Variants in TNIK observed in about 807,000 individuals in gnomAD.
TNIK encodes the protein TRAF2 and NCK interacting kinase, also known as TRAF2 and NCK-interacting protein kinase.
TNIK carries 49 observed loss-of-function variants against 191.3 expected under a neutral mutation model. The ratio of observed to expected loss-of-function variants is 0.26; its 90% CI spans 0.20 to 0.32. TNIK has a LOEUF of 0.32. Among genes scored for constraint, TNIK ranks in the 10% least tolerant of loss-of-function variants. TNIK has a pLI of 1.00. For missense variants in TNIK, 1,155 were observed against 1,702.3 expected (o/e 0.68, Z 5.66); for synonymous variants, 594 against 600.9 (o/e 0.99, Z 0.17).
intron 2 of TNIK, among the ~76,000 whole-genome samples, chr3:171,286,044 G>A (rs1390517113): frequency 6.6e-6 from 1 of 152,146 alleles, no homozygotes; most frequent in Non-Finnish European, 1.5e-5. Context: ...TACACCCTAT[G>A]GCAAAATAAA....
chr3:171,337,463 G>A (rs893538762), intron 2 of TNIK, among the ~76,000 whole-genome samples: 20 of 152,208 alleles, frequency 1.3e-4, no homozygotes, highest in East Asian at 3.8e-4. Context: ...ACTGTGGGAC[G>A]CCTTTGCATG....
chr3:171,281,560 A>T (rs1750425838), intron 2 of TNIK, among the ~76,000 whole-genome samples: 2 of 151,970 alleles, frequency 1.3e-5, no homozygotes, highest in Non-Finnish European at 2.9e-5. Flanking sequence ...AAAGGAATAC[A>T]CTGTACATAC....
At chr3:171,330,664 A>G (rs1197310301) in intron 2 of TNIK, among the ~76,000 whole-genome samples, 3 of 152,110 alleles carry the variant, frequency 2.0e-5, no homozygotes, top group Non-Finnish European at 4.4e-5. Context: ...CAGATGGGGA[A>G]CCTAGCGGCC....
intron 2 of TNIK, among the ~76,000 whole-genome samples, chr3:171,234,752 C>T (rs1428618375): frequency 6.6e-6 from 1 of 152,186 alleles, no homozygotes; most frequent in Non-Finnish European, 1.5e-5. Context: ...TTAATGTATG[C>T]AGATTCCGTG....
intron 2 of TNIK, among the ~76,000 whole-genome samples, chr3:171,349,374 TA>T (rs1712770447): frequency 6.6e-6 from 1 of 152,172 alleles, no homozygotes. Context: ...AATCCTACAA[TA>T]ACTCTTGTAT....
rs771644125 is a variant in TNIK, at chr3:171,087,526, G to T, written c.2722-20C>A. The T allele has an allele frequency of 5.6e-6, 9 of 1,611,236 alleles. No homozygotes were observed. The African/African-American group carries it at 6.7e-5, about 12-fold the overall frequency. On this transcript the variant is annotated intron_variant, in intron 23 of 32. Coordinates refer to ENST00000436636, the MANE Select transcript of TNIK (RefSeq NM_015028.4). ...AGACGTCTGAGGGAGCACAGCACGT[G>T]GGAGGAGTTAGAGAGGGGGGAAAAA...
chr3:171,142,058 T>G (rs1435699475), intron 12 of TNIK, among the ~76,000 whole-genome samples: 1 of 152,238 alleles, frequency 6.6e-6, no homozygotes, highest in Non-Finnish European at 1.5e-5. Context: ...CCTGCAGCAA[T>G]CCTCCGGACC....
At chr3:171,313,614 ATTT>A (rs1224288925) in intron 2 of TNIK, among the ~76,000 whole-genome samples, 1 of 152,094 alleles carries the variant, frequency 6.6e-6, no homozygotes, top group Admixed American at 6.6e-5. Flanking sequence ...TTCACTTATG[ATTT>A]TTTTAAAAAT....
In TNIK at chr3:171,190,655, T is replaced by C. The variant is rs1457389823; in HGVS notation, c.508+42A>G. On this transcript the variant is annotated intron_variant, in intron 6 of 32. Coordinates refer to ENST00000436636, the MANE Select transcript of TNIK (RefSeq NM_015028.4). ...TTTTAGAGCTGTTAATATAATCTCA[T>C]CACTTCCTGCAATTCCAAGGCTCAC... 7 of 1,462,966 alleles carry C rather than the reference T, an allele frequency of 4.8e-6. No homozygotes were observed. The South Asian group carries it at 6.1e-5, about 13-fold the overall frequency. The allele number at this position is 1,462,966 out of a possible 1,614,324, so 90.6% of individuals were successfully genotyped here. A position where few individuals can be genotyped will look rare whatever the true frequency, so the allele number is the denominator to read the frequency against.
intron 7 of TNIK, among the ~76,000 whole-genome samples, chr3:171,179,135 G>A (rs1736330301): frequency 6.6e-6 from 1 of 152,120 alleles, no homozygotes; most frequent in Admixed American, 6.5e-5. Flanking sequence ...GTTCAACTGG[G>A]AATAGCAATG....
intron 24 of TNIK, among the ~76,000 whole-genome samples, chr3:171,085,903 A>G (rs1003765257): frequency 4.6e-5 from 7 of 152,182 alleles, no homozygotes; most frequent in African/African-American, 1.7e-4. Flanking sequence ...GGCTTACTTT[A>G]AAAAATGAAT....
chr3:171,208,312 C>A (rs1215706641), intron 4 of TNIK, among the ~76,000 whole-genome samples: 1 of 151,628 alleles, frequency 6.6e-6, no homozygotes, highest in Admixed American at 6.6e-5. Context: ...CAGAGCAAGA[C>A]CCTGTCTCTA....
intron 3 of TNIK, among the ~76,000 whole-genome samples, chr3:171,219,660 A>T (rs905562287): frequency 6.6e-6 from 1 of 152,202 alleles, no homozygotes; most frequent in Non-Finnish European, 1.5e-5. Context: ...ATCACTGGTC[A>T]TTAGAGAAAT....
At chr3:171,170,420 C>A (rs1300038113) in intron 9 of TNIK, among the ~76,000 whole-genome samples, 1 of 152,140 alleles carries the variant, frequency 6.6e-6, no homozygotes, top group Non-Finnish European at 1.5e-5. Context: ...GCAATTTGGC[C>A]TAAAATTTGC....
Position 171,175,277 on chromosome 3 carries a change from C to A in TNIK, c.748G>T (p.Ala250Ser). 6.2e-7 allele frequency: 1 copy of A among 1,612,960 alleles called. No individual in the cohort carries two copies. Among genetic ancestry groups the A allele is most frequent in the East Asian group, 2.2e-5 (1 of 44,856 alleles). The stretch of plus-strand genomic sequence containing the variant: ...CACTTCTTAGACTTCAGCCGAGGCG[C>A]TGGGTTCCGGGGGATGAGGAAGAGA... The part of the protein sequence containing the change: ...RALFLIPRNP[A>S]PRLKSKKWSK... Residue 250 changes from alanine (A) to serine (S), a missense_variant, in exon 9 of 33, where the codon GCG (alanine) becomes TCG (serine). By Grantham distance (99) the Ala-to-Ser change is moderately conservative (BLOSUM62 1). Coordinates refer to ENST00000436636, the MANE Select transcript of TNIK (RefSeq NM_015028.4).
At chr3:171,065,683 A>G (rs923951741) in intron 32 of TNIK, among the ~76,000 whole-genome samples, 1 of 152,250 alleles carries the variant, frequency 6.6e-6, no homozygotes, top group African/African-American at 2.4e-5. Flanking sequence ...CTGGAATGAC[A>G]CAAGACATGG....
intron 20 of TNIK, among the ~76,000 whole-genome samples, chr3:171,107,731 T>C (rs1725144535): frequency 6.6e-6 from 1 of 152,216 alleles, no homozygotes; most frequent in African/African-American, 2.4e-5. Context: ...GAGAAGTTCA[T>C]AGAAAGTACC....
chr3:171,431,728 A>G (rs1725418722), intron 1 of TNIK, among the ~76,000 whole-genome samples: 1 of 152,194 alleles, frequency 6.6e-6, no homozygotes, highest in Non-Finnish European at 1.5e-5. Context: ...TTCCCATTTT[A>G]CAGATAGGAA....
At chr3:171,228,341 A>T (rs1743200541) in intron 2 of TNIK, 120 bp from the exon 3 acceptor site, 1 of 921,680 alleles carries the variant, frequency 1.1e-6, no homozygotes, top group Non-Finnish European at 1.7e-6. Context: ...GGGGAGAGAG[A>T]AAGACAGACA....
Sources: allele counts gnomAD v4.1 joint callset (sites outside exome capture counted in the v4.1 genomes callset), GRCh38; gene constraint gnomAD v4.1.1; transcripts MANE v1.5; gene names NCBI Gene and HGNC (gene_info 2026-07-23, HGNC 2026-07-21).